SLC38A3: variants seen among roughly 807,000 people sequenced by gnomAD.
The protein encoded by SLC38A3 is solute carrier family 38 member 3.
A neutral mutation model predicts 59.5 loss-of-function variants in SLC38A3; 17 were observed. That is an observed-to-expected ratio of 0.29 (90% CI 0.20 to 0.43). SLC38A3 has a LOEUF of 0.43. Among genes scored for constraint, SLC38A3 ranks in the 20% least tolerant of loss-of-function variants. The probability of loss-of-function intolerance (pLI) is 1.00; values close to 1 mark genes in which losing one functional copy is unlikely to be tolerated. For missense variants in SLC38A3, 454 were observed against 653.9 expected (o/e 0.69, Z 3.33); for synonymous variants, 238 against 260.3 (o/e 0.91, Z 0.82).
In SLC38A3 at chr3:50,205,995, C is replaced by G. The variant is rs781549566; in HGVS notation, c.-52+647C>G. ...CGCAGGGCGCGAGTGGCTCCCTGAC[C>G]TGAGGCCGGGGCGCCGTGCGAGCTC... On this transcript the variant is annotated intron_variant, in intron 1 of 15. Coordinates refer to ENST00000614032, the MANE Select transcript of SLC38A3 (RefSeq NM_006841.6). Among the ~76,000 whole-genome samples the G allele has an allele frequency of 4.3e-4, 66 of 152,262 alleles. 1 individual carries two copies. Among genetic ancestry groups the G allele is most frequent in the Non-Finnish European group, 6.9e-4 (47 of 68,044 alleles).
intron 1 of SLC38A3, among the ~76,000 whole-genome samples, chr3:50,211,593 T>C (rs1378498286): frequency 2.0e-4 from 25 of 125,688 alleles, no homozygotes; most frequent in Non-Finnish European, 2.8e-4. Context: ...TTTTTTTTTT[T>C]TTCTTTTTTT....
chr3:50,218,544 C>A lies in SLC38A3; in HGVS notation c.1037-49C>A, dbSNP rs763757908. 6.3e-7 allele frequency: 1 copy of A among 1,598,136 alleles called. No homozygotes were observed. Among genetic ancestry groups the A allele is most frequent in the Non-Finnish European group, 8.5e-7 (1 of 1,171,776 alleles). ...GGGGTCCCCTAGGCAGCTCAGATCC[C>A]ACCTCCTTCCTGGGGCCACCTACTG... On this transcript the variant is annotated intron_variant, in intron 12 of 15. Transcript: ENST00000614032. The surrounding 1 kb of genome is among the most constrained non-coding windows in gnomAD (Gnocchi z 5.8).
At chr3:50,211,843 C>T (rs1441227365) in intron 1 of SLC38A3, among the ~76,000 whole-genome samples, 2 of 152,096 alleles carry the variant, frequency 1.3e-5, no homozygotes, top group Admixed American at 6.6e-5. Context: ...TCTCCTCGGC[C>T]TCCCAAAGTG....
At chr3:50,213,097 G>T (rs1266633638) in intron 1 of SLC38A3, among the ~76,000 whole-genome samples, 1 of 152,234 alleles carries the variant, frequency 6.6e-6, no homozygotes, top group African/African-American at 2.4e-5. Context: ...CCAGTGAGTT[G>T]TCTGGGCAGC....
intron 1 of SLC38A3, among the ~76,000 whole-genome samples, chr3:50,212,251 G>T (rs1165526247): frequency 1.3e-5 from 2 of 152,230 alleles, no homozygotes; most frequent in Non-Finnish European, 1.5e-5. Flanking sequence ...AGGGTGTTTT[G>T]TCCAGACTGC....
chr3:50,214,780 C>G lies in SLC38A3; in HGVS notation c.299+12C>G. On this transcript the variant is annotated intron_variant, in intron 4 of 15. Transcript: ENST00000614032. This position sits in a 1 kb window ranked among gnomAD's most constrained non-coding sequence, Gnocchi z 6.0. The stretch of plus-strand genomic sequence containing the variant: ...ATTATCCTTTTCCTGTGAGTGCCCT[C>G]AGAGAAACTTCTAAAGATAGGGGCC... The G allele has an allele frequency of 6.5e-7, 1 of 1,549,570 alleles. No individual in the cohort carries two copies. The highest frequency in any genetic ancestry group is 8.9e-7 in the Non-Finnish European group (1 of 1,127,736).
chr3:50,214,828 C>G lies in SLC38A3; in HGVS notation c.299+60C>G. On this transcript the variant is annotated intron_variant, in intron 4 of 15. Transcript: ENST00000614032. This position sits in a 1 kb window ranked among gnomAD's most constrained non-coding sequence, Gnocchi z 6.0. ...GCCCTAAGCAAGCCACCAATCATGA[C>G]CTCCCAGGACCCGCCAGTTCCCTGT... 1 of 1,090,368 alleles carries G rather than the reference C, an allele frequency of 9.2e-7. No homozygotes were observed. The highest frequency in any genetic ancestry group is 1.4e-6 in the Non-Finnish European group (1 of 730,704). The allele number at this position is 1,090,368 out of a possible 1,614,324, so 67.5% of individuals were successfully genotyped here. A position where few individuals can be genotyped will look rare whatever the true frequency, so the allele number is the denominator to read the frequency against.
At position 50,214,679 on chromosome 3, in the gene SLC38A3, G is replaced by A. The variant is rs1206389777; in HGVS notation, c.210G>A (p.Met70Ile). 1 of 1,612,324 alleles carries A rather than the reference G, an allele frequency of 6.2e-7. No homozygotes were observed. Among genetic ancestry groups the A allele is most frequent in the South Asian group, 1.1e-5 (1 of 90,852 alleles). The change falls in exon 4 of 16, where the codon ATG becomes ATA. Residue 70 changes from methionine to isoleucine, a missense_variant. Around this residue, in one of 3 missense-constraint regions of SLC38A3, gnomAD observed 390 missense variants for 557.9 expected, o/e 0.70. Coordinates refer to ENST00000614032, the MANE Select transcript of SLC38A3 (RefSeq NM_006841.6). This position sits in a 1 kb window ranked among gnomAD's most constrained non-coding sequence, Gnocchi z 6.0. ...TDFEGKTSFGMSVFNLSNAIM... is the reference protein window; with the variant it reads ...TDFEGKTSFGISVFNLSNAIM... Reference sequence around the variant, plus strand: ...TCGAGGGGAAGACATCATTCGGGATGTCAGTGTTCAACCTCAGCAATGCCA... The same window carrying A: ...TCGAGGGGAAGACATCATTCGGGATATCAGTGTTCAACCTCAGCAATGCCA...
At chr3:50,219,755 C>T in intron 14 of SLC38A3, 126 bp from the exon 15 acceptor site, 1 of 743,728 alleles carries the variant, frequency 1.3e-6, no homozygotes, top group Non-Finnish European at 2.3e-6. Context: ...TCAGGCAGAG[C>T]TCTCCAGTGG....
At chr3:50,207,673 G>A (rs1226128392) in intron 1 of SLC38A3, 1 of 152,250 alleles carries the variant, frequency 6.6e-6, no homozygotes, top group Non-Finnish European at 1.5e-5. Context: ...GTACACTCTT[G>A]TCTAGTGGGT....
In SLC38A3 at chr3:50,220,074, C is replaced by T. The variant is rs1423562742; in HGVS notation, c.1412C>T (p.Ala471Val). ...TGACCCTGACTTCTGATTCCACAGG[C>T]CCTGTGTTTTGCTATGCTTGGCTTC... ...EPARSTPKIL[A>V]LCFAMLGFLL... Residue 471 changes from alanine (A) to valine (V), a missense_variant and splice_region_variant, in exon 16 of 16, where the codon GCC becomes GTC. By Grantham distance (64) the Ala-to-Val change is moderately conservative. Coordinates refer to ENST00000614032, the MANE Select transcript of SLC38A3 (RefSeq NM_006841.6). The T allele has an allele frequency of 6.2e-7, 1 of 1,605,492 alleles. No homozygotes were observed. The highest frequency in any genetic ancestry group is 8.5e-7 in the Non-Finnish European group (1 of 1,175,512).
rs1452042680 is a variant in SLC38A3 at position 50,215,696 on chromosome 3, T to C, written c.467-44T>C. ...GTGGACAGCCCTGAAAGCTGGCTGG[T>C]TGGGCTGACCTCAGCGCCTGCCTGC... On this transcript the variant is annotated intron_variant, in intron 6 of 15. Coordinates refer to ENST00000614032, the MANE Select transcript of SLC38A3 (RefSeq NM_006841.6). This position sits in a 1 kb window ranked among gnomAD's most constrained non-coding sequence, Gnocchi z 7.1. The C allele has an allele frequency of 5.0e-6, 8 of 1,609,196 alleles. No homozygotes were observed. The highest frequency in any genetic ancestry group is 2.2e-5 in the East Asian group (1 of 44,766).
intron 1 of SLC38A3, among the ~76,000 whole-genome samples, chr3:50,211,424 G>C (rs865837637): frequency 1.4e-4 from 21 of 152,290 alleles, no homozygotes; most frequent in African/African-American, 4.8e-4. Context: ...CTTACAGCTT[G>C]CCTCGTACTG....
chr3:50,209,294 G>C (rs1164237422), intron 1 of SLC38A3, among the ~76,000 whole-genome samples: 1 of 152,198 alleles, frequency 6.6e-6, no homozygotes, highest in Non-Finnish European at 1.5e-5. Flanking sequence ...TCCAGGGCTG[G>C]GTGGGAAGGG....
rs754467364 is a variant in SLC38A3, at chr3:50,214,188, G to A, written c.-12G>A. ...GTGTGAGACCAGTGCTCCTGGTGGT[G>A]TGCCCTGAGCCATGGAGGCGCCTTT... On this transcript the variant is annotated 5_prime_UTR_variant, in exon 2 of 16. It adds an upstream start codon to the 5' untranslated region. Coordinates refer to ENST00000614032, the MANE Select transcript of SLC38A3 (RefSeq NM_006841.6). The surrounding 1 kb of genome is among the most constrained non-coding windows in gnomAD (Gnocchi z 6.0). The A allele has an allele frequency of 1.2e-6, 2 of 1,611,548 alleles. No homozygotes were observed. The highest frequency in any genetic ancestry group is 1.7e-6 in the Non-Finnish European group (2 of 1,178,504).
chr3:50,209,898 C>T (rs768510965), intron 1 of SLC38A3, among the ~76,000 whole-genome samples: 1 of 152,156 alleles, frequency 6.6e-6, no homozygotes, highest in African/African-American at 2.4e-5. Context: ...AGTATTAGCC[C>T]AGTGTTGGCC....
intron 1 of SLC38A3, among the ~76,000 whole-genome samples, chr3:50,207,151 C>T (rs1699659038): frequency 6.6e-6 from 1 of 152,106 alleles, no homozygotes; most frequent in South Asian, 2.1e-4. Flanking sequence ...TTTGGTGTCT[C>T]TGTGAACAGA....
At position 50,217,529 on chromosome 3, in the gene SLC38A3, T is replaced by C; in HGVS notation, c.690+56T>C. On this transcript the variant is annotated intron_variant, in intron 9 of 15. Transcript: ENST00000614032. The surrounding 1 kb of genome is among the most constrained non-coding windows in gnomAD (Gnocchi z 4.9). Reference sequence around the variant, plus strand: ...CGGGCAGCGGGTCTCCTGGGGGAGTTCCCTGTCATCAGGAGGGGGCAGGTG... The same window carrying C: ...CGGGCAGCGGGTCTCCTGGGGGAGTCCCCTGTCATCAGGAGGGGGCAGGTG... 6.3e-7 allele frequency: 1 copy of C among 1,591,354 alleles called. No homozygotes were observed. The highest frequency in any genetic ancestry group is 8.6e-7 in the Non-Finnish European group (1 of 1,164,962).
Position 50,217,371 on chromosome 3 carries a change from A to G in SLC38A3, c.632-44A>G. 1 of 1,611,550 alleles carries G rather than the reference A, an allele frequency of 6.2e-7. No homozygotes were observed. Among genetic ancestry groups the G allele is most frequent in the South Asian group, 1.1e-5 (1 of 90,608 alleles). Reference sequence around the variant, plus strand: ...GGAGGGGATGTTGGAGGCATACACCATGGGAGGGGCCCCAGGTCTCAGAGT... The same window carrying G: ...GGAGGGGATGTTGGAGGCATACACCGTGGGAGGGGCCCCAGGTCTCAGAGT... On this transcript the variant is annotated intron_variant, in intron 8 of 15. Transcript: ENST00000614032. The surrounding 1 kb of genome is among the most constrained non-coding windows in gnomAD (Gnocchi z 4.9).
Sources: gnomAD v4.1 joint callset for allele counts (sites outside exome capture counted in the v4.1 genomes callset) on GRCh38, gnomAD v4.1.1 for gene constraint, gnomAD v4.1.1 regional missense constraint, Gnocchi (gnomAD v3.1) non-coding constraint, MANE v1.5 for transcripts, NCBI Gene and HGNC (gene_info 2026-07-23, HGNC 2026-07-21) for gene names.